VPS52: variants seen among roughly 807,000 people sequenced by gnomAD.
The protein encoded by VPS52 is VPS52 subunit of GARP complex.
In VPS52, 56 loss-of-function variants were observed where a neutral mutation model predicts 98.7. That is an observed-to-expected ratio of 0.57 (90% CI 0.46 to 0.71). The LOEUF (loss-of-function observed/expected upper bound fraction) is 0.71, where lower values mean the gene tolerates loss of function less well. VPS52 is among the 30% of genes least tolerant of loss of function. The pLI is 0.00. For synonymous variants in VPS52, 348 were observed against 346.4 expected (o/e 1.00, Z -0.05); for missense variants, 742 against 925.9 (o/e 0.80, Z 2.58).
In VPS52 at chr6:33,264,423, C is replaced by T. The variant is rs764220506; in HGVS notation, c.1475G>A (p.Arg492Gln). The T allele has an allele frequency of 9.3e-6, 15 of 1,614,038 alleles. No homozygotes were observed. The highest frequency in any genetic ancestry group is 1.6e-4 in the Middle Eastern group (1 of 6,084). Reference sequence around the variant, plus strand: ...CCCTAGGCGCTGGGGGTCAGTGCTTCGGACGCTCTGAACATTCATCTCCAG... The same window carrying T: ...CCCTAGGCGCTGGGGGTCAGTGCTTTGGACGCTCTGAACATTCATCTCCAG... ...LILEMNVQSV[R>Q]STDPQRLGGL... The change falls in exon 14 of 20, where the codon CGA (arginine) becomes CAA (glutamine). Residue 492 changes from arginine (R) to glutamine (Q), a missense_variant. Coordinates refer to ENST00000445902, the MANE Select transcript of VPS52 (RefSeq NM_022553.6).
chr6:33,265,210 G>A (rs562709460), intron 12 of VPS52, among the ~76,000 whole-genome samples: 39 of 152,106 alleles, frequency 2.6e-4, no homozygotes, highest in Admixed American at 2.1e-3. Flanking sequence ...CTGAGTAGCT[G>A]GAATTATAGG....
chr6:33,251,504 G>C lies in VPS52; in HGVS notation c.2025+14C>G. On this transcript the variant is annotated intron_variant, in intron 19 of 19. Coordinates refer to ENST00000445902, the MANE Select transcript of VPS52 (RefSeq NM_022553.6). Reference sequence around the variant, plus strand: ...GATGGGGGATCTGAGTGGGGCCTGGGACTTGCAGGTCACCTGAATGATACT... The same window carrying C: ...GATGGGGGATCTGAGTGGGGCCTGGCACTTGCAGGTCACCTGAATGATACT... 1 of 1,533,614 alleles carries C rather than the reference G, an allele frequency of 6.5e-7. No individual in the cohort carries two copies.
chr6:33,266,471 A>G, intron 12 of VPS52, 86 bp downstream of exon 12: 1 of 1,436,820 alleles, frequency 7.0e-7, no homozygotes, highest in Non-Finnish European at 9.3e-7. Context: ...TCCTGATTTC[A>G]GTTCTACCAG....
chr6:33,254,619 T>C (rs1195309047), intron 17 of VPS52: 2 of 152,202 alleles, frequency 1.3e-5, no homozygotes, highest in Non-Finnish European at 2.9e-5. Context: ...AAGCATGATA[T>C]ATACACCTGA....
At position 33,251,623 on chromosome 6, in the gene VPS52, C is replaced by G. The variant is rs767780846; in HGVS notation, c.1920G>C (p.Gln640His). Residue 640 changes from glutamine to histidine, a missense_variant, in exon 19 of 20, where the codon CAG becomes CAC. This residue lies in a region of VPS52 where 590 missense variants were observed against 793.3 expected (regional missense o/e 0.74). Coordinates refer to ENST00000445902, the MANE Select transcript of VPS52 (RefSeq NM_022553.6). Reference sequence around the variant, plus strand: ...AGGAACTACCAAAGCCACGGATCAGCTGAGTTACCCGGGCTAATAGCAGGA... The same window carrying G: ...AGGAACTACCAAAGCCACGGATCAGGTGAGTTACCCGGGCTAATAGCAGGA... ...RLRGEEARVT[Q>H]LIRGFGSSWK... 1 of 1,613,422 alleles carries G rather than the reference C, an allele frequency of 6.2e-7. No homozygotes were observed. The highest frequency in any genetic ancestry group is 8.5e-7 in the Non-Finnish European group (1 of 1,179,550).
At chr6:33,254,198 C>T (rs9688458) in intron 17 of VPS52, among the ~76,000 whole-genome samples, 1,747 of 152,078 alleles carry the variant, frequency 0.011, 30 homozygotes, top group African/African-American at 0.036. Flanking sequence ...TCACTTGAAC[C>T]GGGAGGCAGA....
At chr6:33,264,309 AC>A (rs1764014194) in intron 14 of VPS52, 64 bp downstream of exon 14, 18 of 1,594,462 alleles carry the variant, frequency 1.1e-5, no homozygotes, top group Non-Finnish European at 1.5e-5. Flanking sequence ...ACCTTGGCCA[AC>A]CCCCACAATG....
Position 33,268,395 on chromosome 6 carries a change from T to A in VPS52, c.699+104A>T. The A allele has an allele frequency of 2.1e-6, 3 of 1,455,932 alleles. No individual in the cohort carries two copies. Among genetic ancestry groups the A allele is most frequent in the Non-Finnish European group, 2.8e-6 (3 of 1,074,680 alleles). 90.2% of individuals were successfully genotyped at this position (1,455,932 alleles called of 1,614,324 possible). A position where few individuals can be genotyped will look rare whatever the true frequency, so the allele number is the denominator to read the frequency against. On this transcript the variant is annotated intron_variant, in intron 7 of 19. Transcript: ENST00000445902. The surrounding 1 kb of genome is among the most constrained non-coding windows in gnomAD (Gnocchi z 4.0). ...GCTGCCCAGAAAAGGCAGGGTGAAG[T>A]CCCTGGAGACAGGCTACAGTGAGCT...
chr6:33,269,372 T>C, intron 5 of VPS52, 118 bp downstream of exon 5: 2 of 1,471,592 alleles, frequency 1.4e-6, no homozygotes, highest in Non-Finnish European at 1.9e-6. Context: ...GCTCCTGAAG[T>C]CATCTTGAAA....
intron 17 of VPS52, 21 bp downstream of exon 17, chr6:33,263,463 C>T (rs369162663): frequency 3.7e-5 from 60 of 1,610,484 alleles, no homozygotes; most frequent in African/African-American, 6.8e-5. Flanking sequence ...GCTGTCTCTT[C>T]CCTTTTCCCC....
In VPS52 at chr6:33,268,534, C is replaced by T. The variant is rs1245435642; in HGVS notation, c.664G>A (p.Asp222Asn). 1.2e-6 allele frequency: 2 copies of T among 1,612,158 alleles called. No homozygotes were observed. Among genetic ancestry groups the T allele is most frequent in the East Asian group, 4.5e-5 (2 of 44,886 alleles). ...QEARGTAACA[D>N]VRGVLDRLRV... ...AGCCGATCGAGCACGCCTCTGACAT[C>T]TGCGCAGGCTGCTGTGCCTCTAGCT... The change falls in exon 7 of 20, where the codon GAT (aspartate) becomes AAT (asparagine). Residue 222 changes from aspartate (D) to asparagine (N), a missense_variant. Transcript: ENST00000445902. The surrounding 1 kb of genome is among the most constrained non-coding windows in gnomAD (Gnocchi z 4.0).
chr6:33,267,616 G>C lies in VPS52; in HGVS notation c.991+66C>G. The stretch of plus-strand genomic sequence containing the variant: ...GGAAAAGGTAAGGAGCAGTGCATTG[G>C]TGGCTGGAGTCGAAAGTCCTCCCAC... On this transcript the variant is annotated intron_variant, in intron 10 of 19. Coordinates refer to ENST00000445902, the MANE Select transcript of VPS52 (RefSeq NM_022553.6). This position sits in a 1 kb window ranked among gnomAD's most constrained non-coding sequence, Gnocchi z 4.2. The C allele has an allele frequency of 6.3e-7, 1 of 1,576,360 alleles. No individual in the cohort carries two copies. The highest frequency in any genetic ancestry group is 8.7e-7 in the Non-Finnish European group (1 of 1,148,544).
chr6:33,261,055 C>A (rs562236894), intron 17 of VPS52, among the ~76,000 whole-genome samples: 12 of 151,842 alleles, frequency 7.9e-5, no homozygotes, highest in African/African-American at 2.4e-4. Context: ...TCAAGACCAG[C>A]CCAGGCAACA....
At position 33,268,057 on chromosome 6, in the gene VPS52, G is replaced by A. The variant is rs1204172741; in HGVS notation, c.800+51C>T. On this transcript the variant is annotated intron_variant, in intron 8 of 19. Coordinates refer to ENST00000445902, the MANE Select transcript of VPS52 (RefSeq NM_022553.6). The surrounding 1 kb of genome is among the most constrained non-coding windows in gnomAD (Gnocchi z 4.0). Reference sequence around the variant, plus strand: ...CCCAAGAAACCAGATGCCCACACTAGGCCGCTCAAAAACTCAAAGGCCATC... The same window carrying A: ...CCCAAGAAACCAGATGCCCACACTAAGCCGCTCAAAAACTCAAAGGCCATC... 6.2e-7 allele frequency: 1 copy of A among 1,612,854 alleles called. No homozygotes were observed. The highest frequency in any genetic ancestry group is 2.2e-5 in the East Asian group (1 of 44,902).
At chr6:33,252,670 A>T (rs559739667) in intron 17 of VPS52, among the ~76,000 whole-genome samples, 6 of 151,968 alleles carry the variant, frequency 3.9e-5, no homozygotes, top group Non-Finnish European at 8.8e-5. Context: ...AAAAAAGGAA[A>T]TTTTTTTAGA....
chr6:33,252,845 T>C (rs1762465197), intron 17 of VPS52, among the ~76,000 whole-genome samples: 1 of 152,084 alleles, frequency 6.6e-6, no homozygotes, highest in Non-Finnish European at 1.5e-5. Flanking sequence ...GCACTGAAAT[T>C]GATGGCTACT....
At chr6:33,259,220 A>T (rs1429697996) in intron 17 of VPS52, among the ~76,000 whole-genome samples, 2 of 152,220 alleles carry the variant, frequency 1.3e-5, no homozygotes, top group Admixed American at 1.3e-4. Context: ...TCCTGAGTAG[A>T]AAGCAGTTAA....
chr6:33,261,646 A>G (rs1430176859), intron 17 of VPS52, among the ~76,000 whole-genome samples: 3 of 152,154 alleles, frequency 2.0e-5, no homozygotes, highest in Non-Finnish European at 2.9e-5. Context: ...CACTGGGGAA[A>G]ATCTCCAAGA....
chr6:33,263,778 C>T lies in VPS52; in HGVS notation c.1722G>A (p.Val574=). 1 of 1,614,216 alleles carries T rather than the reference C, an allele frequency of 6.2e-7. No individual in the cohort carries two copies. The highest frequency in any genetic ancestry group is 1.1e-5 in the South Asian group (1 of 91,086). ...GAGAAGGAGCACCTATTACCATCAG[C>T]ACACCCAGCATCATGTCATAGTTGT... The part of the protein sequence containing the change: ...LINNYDMMLG[V]LMERAADDSK... The change falls in exon 16 of 20, where the codon GTG becomes GTA. Residue 574 remains valine, a synonymous_variant. Coordinates refer to ENST00000445902, the MANE Select transcript of VPS52 (RefSeq NM_022553.6).
Sources: gnomAD v4.1 joint callset for allele counts (sites outside exome capture counted in the v4.1 genomes callset) on GRCh38, gnomAD v4.1.1 for gene constraint, gnomAD v4.1.1 regional missense constraint, Gnocchi (gnomAD v3.1) non-coding constraint, MANE v1.5 for transcripts, NCBI Gene and HGNC (gene_info 2026-07-23, HGNC 2026-07-21) for gene names.